FRMD6: variants seen among roughly 807,000 people sequenced by gnomAD.
The protein encoded by FRMD6 is FERM domain containing 6, also known as FERM domain-containing protein 6.
A neutral mutation model predicts 73.2 loss-of-function variants in FRMD6; 37 were observed. The ratio of observed to expected loss-of-function variants is 0.51; its 90% CI spans 0.39 to 0.66. The LOEUF is 0.66. Among genes scored for constraint, FRMD6 ranks in the 30% least tolerant of loss-of-function variants. The pLI is 0.00. For synonymous variants in FRMD6, 273 were observed against 282.2 expected, an observed-to-expected ratio of 0.97 and a Z score of 0.33; for missense variants, 714 against 780.5, an observed-to-expected ratio of 0.91 and a Z score of 1.02.
intron 1 of FRMD6, among the ~76,000 whole-genome samples, chr14:51,546,404 T>C (rs1886466212): frequency 1.4e-5 from 2 of 139,338 alleles, no homozygotes. Context: ...CTCTTTTTTT[T>C]TTCTTTTTTT....
the FRMD6 span, among the ~76,000 whole-genome samples, chr14:51,412,225 G>T: frequency 6.6e-6 from 1 of 151,878 alleles, no homozygotes; most frequent in Non-Finnish European, 1.5e-5. Context: ...AGTCATCCTT[G>T]TATTTTTAAC....
At chr14:51,501,631 A>T (rs1009241989) in intron 1 of FRMD6, among the ~76,000 whole-genome samples, 36 of 152,170 alleles carry the variant, frequency 2.4e-4, no homozygotes, top group Non-Finnish European at 5.9e-5. Context: ...ATGGGCATTT[A>T]GGTTGATTCC....
At chr14:51,463,516 T>A in the FRMD6 span, among the ~76,000 whole-genome samples, 1 of 152,176 alleles carries the variant, frequency 6.6e-6, no homozygotes. Context: ...AACCCATGAA[T>A]ATGGAGGGCC....
the FRMD6 span, among the ~76,000 whole-genome samples, chr14:51,459,878 G>T: frequency 7.3e-5 from 2 of 27,298 alleles, no homozygotes; most frequent in Non-Finnish European, 6.4e-5. Context: ...TAAAATTACT[G>T]ACTCTCTTTT....
At chr14:51,636,709 G>A (rs1229949869) in intron 2 of FRMD6, among the ~76,000 whole-genome samples, 1 of 152,182 alleles carries the variant, frequency 6.6e-6, no homozygotes, top group Non-Finnish European at 1.5e-5. Flanking sequence ...CCCCTTAAAG[G>A]TCTTCGTTGT....
At chr14:51,481,042 TG>T in the FRMD6 span, among the ~76,000 whole-genome samples, 1 of 152,212 alleles carries the variant, frequency 6.6e-6, no homozygotes, top group African/African-American at 2.4e-5. Flanking sequence ...AGCAAATATT[TG>T]GGGGATATCT....
chr14:51,470,436 GTTGCAGTGAGCCGAGA>G, the FRMD6 span, among the ~76,000 whole-genome samples: 1 of 151,994 alleles, frequency 6.6e-6, no homozygotes, highest in East Asian at 1.9e-4. Flanking sequence ...GGAGGCGGAG[GTTGCAGTGAGCCGAGA>G]TTGCGCCACT....
At chr14:51,719,064 T>G (rs1897393361) in intron 10 of FRMD6, among the ~76,000 whole-genome samples, 1 of 152,240 alleles carries the variant, frequency 6.6e-6, no homozygotes, top group Non-Finnish European at 1.5e-5. Context: ...TTTTTAACAT[T>G]GTTTTATTGT....
intron 1 of FRMD6, among the ~76,000 whole-genome samples, chr14:51,503,131 A>G (rs1883714981): frequency 6.6e-6 from 1 of 152,196 alleles, no homozygotes. Context: ...ATAGAATCAT[A>G]TCATCTGCAA....
chr14:51,649,028 C>T (rs149752080), upstream of FRMD6, among the ~76,000 whole-genome samples: 1,186 of 152,266 alleles, frequency 7.8e-3, 34 homozygotes, highest in Admixed American at 0.057. Flanking sequence ...TTATTACCCA[C>T]ACAGTTGCAT....
At chr14:51,498,978 C>T (rs1883456017) in intron 1 of FRMD6, among the ~76,000 whole-genome samples, 1 of 152,204 alleles carries the variant, frequency 6.6e-6, no homozygotes, top group African/African-American at 2.4e-5. Flanking sequence ...TCCAATGTTG[C>T]TTTTACTTCA....
chr14:51,631,709 C>T (rs1891343516), intron 2 of FRMD6, among the ~76,000 whole-genome samples: 1 of 152,146 alleles, frequency 6.6e-6, no homozygotes, highest in Non-Finnish European at 1.5e-5. Context: ...AATTTTAGGG[C>T]TTTAAATGCA....
At chr14:51,628,514 A>G (rs889389453) in intron 2 of FRMD6, among the ~76,000 whole-genome samples, 3 of 152,004 alleles carry the variant, frequency 2.0e-5, no homozygotes, top group Non-Finnish European at 4.4e-5. Flanking sequence ...TAGATTTTAA[A>G]TTTAAATGGC....
intron 1 of FRMD6, among the ~76,000 whole-genome samples, chr14:51,659,507 T>G (rs1893062610): frequency 6.6e-6 from 1 of 152,250 alleles, no homozygotes; most frequent in Non-Finnish European, 1.5e-5. Context: ...AAGTCTGTGT[T>G]GCTGCAGTAG....
the FRMD6 span, among the ~76,000 whole-genome samples, chr14:51,452,100 T>C: frequency 6.6e-6 from 1 of 152,142 alleles, no homozygotes; most frequent in Non-Finnish European, 1.5e-5. Context: ...GGATGAAAAC[T>C]GACAGTAGAG....
chr14:51,542,928 T>G lies in FRMD6; in HGVS notation c.-209-27420T>G, dbSNP rs570141056. Among the ~76,000 whole-genome samples the G allele has an allele frequency of 5.3e-5, 8 of 152,156 alleles. No individual in the cohort carries two copies. The East Asian group carries it at 1.5e-3, about 29-fold the overall frequency. On this transcript the variant is annotated intron_variant, in intron 1 of 14. Transcript: ENST00000356218. Reference sequence around the variant, plus strand: ...ATTTGTATATCTTCTTTGGAGAAAATTCTATCCAGGCCCTGTGCACATTTT... The same window carrying G: ...ATTTGTATATCTTCTTTGGAGAAAAGTCTATCCAGGCCCTGTGCACATTTT...
chr14:51,651,514 G>A (rs1422648328), upstream of FRMD6: 3 of 152,320 alleles, frequency 2.0e-5, no homozygotes, highest in Admixed American at 6.5e-5. Context: ...CGGCCAGAAG[G>A]TGGGGAGCCG....
chr14:51,702,492 G>A lies in FRMD6; in HGVS notation c.295-20G>A, dbSNP rs1896382795. The A allele has an allele frequency of 1.9e-6, 3 of 1,603,030 alleles. No homozygotes were observed. Among genetic ancestry groups the A allele is most frequent in the African/African-American group, 1.3e-5 (1 of 74,496 alleles). ...AGTAACTAGAAATAGCTTGATTTTT[G>A]TGTGTGCTTTTGTTTCTAGGGTATC... On this transcript the variant is annotated intron_variant, in intron 4 of 13. Coordinates refer to ENST00000344768, the MANE Select transcript of FRMD6 (RefSeq NM_001267046.2).
intron 1 of FRMD6, among the ~76,000 whole-genome samples, chr14:51,502,543 G>A (rs1009021566): frequency 1.2e-4 from 18 of 152,076 alleles, no homozygotes; most frequent in East Asian, 9.7e-4. Context: ...TTCTCTATTC[G>A]TTCCATTGGT....
Sources: gnomAD v4.1 joint callset for allele counts (sites outside exome capture counted in the v4.1 genomes callset) on GRCh38, gnomAD v4.1.1 for gene constraint, MANE v1.5 for transcripts, NCBI Gene and HGNC (gene_info 2026-07-23, HGNC 2026-07-21) for gene names.